KCNT2: variants seen among roughly 807,000 people sequenced by gnomAD.
KCNT2 encodes potassium channel subfamily T member 2.
Under a neutral mutation model 153.8 loss-of-function variants are expected in KCNT2, and 67 were observed. The observed-to-expected ratio is 0.44, with a 90% CI of 0.36 to 0.53. KCNT2 has a LOEUF of 0.53. KCNT2 is among the 20% of genes least tolerant of loss of function. KCNT2 has a pLI of 0.00. For synonymous variants in KCNT2, 500 were observed against 458.8 expected, an observed-to-expected ratio of 1.09 and a Z score of -1.15; for missense variants, 975 against 1,354.8, an observed-to-expected ratio of 0.72 and a Z score of 4.40.
At chr1:196,513,467 G>A (rs1681800071) in intron 1 of KCNT2, among the ~76,000 whole-genome samples, 1 of 152,158 alleles carries the variant, frequency 6.6e-6, no homozygotes. Context: ...ATTTGCTGGG[G>A]ATAATATGAA....
chr1:196,565,464 G>A (rs982864982), intron 1 of KCNT2, among the ~76,000 whole-genome samples: 9 of 151,626 alleles, frequency 5.9e-5, no homozygotes, highest in African/African-American at 1.9e-4. Flanking sequence ...AAAATAACGT[G>A]TTGAAAAAAT....
chr1:196,247,681 A>G (rs1265053856), intron 26 of KCNT2, among the ~76,000 whole-genome samples: 1 of 152,180 alleles, frequency 6.6e-6, no homozygotes, highest in Non-Finnish European at 1.5e-5. Flanking sequence ...GTGAGAACTC[A>G]CTATTATAAG....
chr1:196,581,310 A>C (rs2148976271), intron 1 of KCNT2, among the ~76,000 whole-genome samples: 1 of 152,168 alleles, frequency 6.6e-6, no homozygotes, highest in Non-Finnish European at 1.5e-5. Flanking sequence ...TTAGAAGTTA[A>C]TTTTGTAACC....
At position 196,484,904 on chromosome 1, in the gene KCNT2, C is replaced by A. The variant is rs1225349561; in HGVS notation, c.276-2525G>T. 3.3e-5 allele frequency among the ~76,000 whole-genome samples: 5 copies of A among 152,034 alleles called. No individual in the cohort carries two copies. The South Asian group carries it at 6.2e-4, about 19-fold the overall frequency. ...AACAGTACGGCGATTCCTCAAGGAG[C>A]TAGAACCAGAAATACCATTTGACCC... On this transcript the variant is annotated intron_variant, in intron 3 of 27. Coordinates refer to ENST00000294725, the MANE Select transcript of KCNT2 (RefSeq NM_198503.5).
At chr1:196,252,554 T>C (rs906222556) in intron 26 of KCNT2, among the ~76,000 whole-genome samples, 1 of 151,718 alleles carries the variant, frequency 6.6e-6, no homozygotes, top group African/African-American at 2.4e-5. Flanking sequence ...ATTTCAGTTA[T>C]TATAGCCAGA....
At chr1:196,433,397 G>C (rs1481394211) in intron 8 of KCNT2, among the ~76,000 whole-genome samples, 1 of 152,078 alleles carries the variant, frequency 6.6e-6, no homozygotes, top group African/African-American at 2.4e-5. Context: ...CATGTTGTAT[G>C]ATTCTGTTTA....
At chr1:196,297,597 A>C (rs1660793648) in intron 22 of KCNT2, among the ~76,000 whole-genome samples, 1 of 152,210 alleles carries the variant, frequency 6.6e-6, no homozygotes, top group African/African-American at 2.4e-5. Context: ...GAATAGATTG[A>C]ACAATGTTTT....
intron 5 of KCNT2, among the ~76,000 whole-genome samples, chr1:196,469,864 A>G (rs190145202): frequency 1.1e-3 from 165 of 152,290 alleles, no homozygotes; most frequent in African/African-American, 3.1e-3. Context: ...TTCTATGAAG[A>G]GATCTATGTA....
intron 8 of KCNT2, among the ~76,000 whole-genome samples, chr1:196,461,109 A>G (rs115634825): frequency 0.017 from 2,604 of 151,858 alleles, 77 homozygotes; most frequent in African/African-American, 0.059. Flanking sequence ...TTCTTCATCC[A>G]AACTACAGTA....
intron 1 of KCNT2, among the ~76,000 whole-genome samples, chr1:196,548,088 G>A (rs967557955): frequency 1.3e-5 from 2 of 151,688 alleles, no homozygotes; most frequent in African/African-American, 4.8e-5. Context: ...ATGATGATGT[G>A]AGGGAGAATT....
chr1:196,245,154 G>C (rs971381584), intron 26 of KCNT2, among the ~76,000 whole-genome samples: 2 of 152,116 alleles, frequency 1.3e-5, no homozygotes, highest in South Asian at 4.1e-4. Context: ...GGGGTGCACC[G>C]TGAGTAGATA....
At chr1:196,583,162 C>T (rs997484227) in intron 1 of KCNT2, among the ~76,000 whole-genome samples, 1 of 151,870 alleles carries the variant, frequency 6.6e-6, no homozygotes, top group South Asian at 2.1e-4. Flanking sequence ...GAAAGGCAGG[C>T]ACATTAATTA....
At chr1:196,299,201 T>C (rs1044510705) in intron 22 of KCNT2, among the ~76,000 whole-genome samples, 1 of 152,146 alleles carries the variant, frequency 6.6e-6, no homozygotes, top group Non-Finnish European at 1.5e-5. Flanking sequence ...TTTCTTTTCC[T>C]CCTTGCCTTC....
chr1:196,317,877 A>T (rs191842768), intron 20 of KCNT2, among the ~76,000 whole-genome samples: 2 of 151,782 alleles, frequency 1.3e-5, no homozygotes, highest in Non-Finnish European at 2.9e-5. Context: ...TTACATATCA[A>T]TTTAAATCTA....
At chr1:196,372,383 A>C (rs931732136) in intron 14 of KCNT2, among the ~76,000 whole-genome samples, 4 of 151,954 alleles carry the variant, frequency 2.6e-5, no homozygotes, top group African/African-American at 9.7e-5. Context: ...CACTAGCATA[A>C]GTGGAATTTA....
chr1:196,558,058 C>G (rs1658908646), intron 1 of KCNT2, among the ~76,000 whole-genome samples: 1 of 151,276 alleles, frequency 6.6e-6, no homozygotes, highest in Non-Finnish European at 1.5e-5. Context: ...TAGCATCATG[C>G]CAAAGTGGAT....
At chr1:196,259,820 A>G (rs115997659) in intron 25 of KCNT2, among the ~76,000 whole-genome samples, 7,380 of 151,998 alleles carry the variant, frequency 0.049, 279 homozygotes, top group Non-Finnish European at 0.071. Flanking sequence ...ATTGAGATTA[A>G]ATGATTTTAG....
intron 1 of KCNT2, among the ~76,000 whole-genome samples, chr1:196,577,681 G>C (rs1661525938): frequency 6.6e-6 from 1 of 152,142 alleles, no homozygotes; most frequent in Admixed American, 6.6e-5. Flanking sequence ...AAGATTCCGA[G>C]AGCACTGGTT....
chr1:196,563,634 A>G (rs948625884), intron 1 of KCNT2, among the ~76,000 whole-genome samples: 3 of 152,016 alleles, frequency 2.0e-5, no homozygotes, highest in African/African-American at 7.2e-5. Flanking sequence ...CTAGCAAGCC[A>G]AATTCAATAG....
Sources: gnomAD v4.1 joint callset for allele counts (sites outside exome capture counted in the v4.1 genomes callset) on GRCh38, gnomAD v4.1.1 for gene constraint, MANE v1.5 for transcripts, NCBI Gene and HGNC (gene_info 2026-07-23, HGNC 2026-07-21) for gene names.